The following CADPS2 variants were observed in gnomAD, a reference collection of about 807,000 sequenced individuals.
CADPS2 encodes calcium dependent secretion activator 2, also known as calcium-dependent secretion activator 2.
A neutral mutation model predicts 172.5 loss-of-function variants in CADPS2; 93 were observed. The observed-to-expected ratio is 0.54, with a 90% CI of 0.46 to 0.64. The LOEUF is 0.64. Ranked by LOEUF, CADPS2 falls within the 30% of genes least tolerant of loss-of-function variation. The pLI, the probability that CADPS2 is intolerant of heterozygous loss-of-function variation, is 0.00. For missense variants in CADPS2, 1,420 were observed against 1,565.9 expected (o/e 0.91, Z 1.57); for synonymous variants, 546 against 555.2 (o/e 0.98, Z 0.23).
intron 1 of CADPS2, among the ~76,000 whole-genome samples, chr7:122,784,288 A>G (rs904665261): frequency 6.6e-6 from 1 of 152,150 alleles, no homozygotes; most frequent in Non-Finnish European, 1.5e-5. Flanking sequence ...GTCGTTGGGT[A>G]CTGTTTACTT....
intron 1 of CADPS2, among the ~76,000 whole-genome samples, chr7:122,837,993 C>T (rs905055992): frequency 2.0e-5 from 3 of 152,180 alleles, no homozygotes; most frequent in Non-Finnish European, 2.9e-5. Context: ...GAATTTTAGA[C>T]GAATATGCCT....
intron 1 of CADPS2, among the ~76,000 whole-genome samples, chr7:122,792,690 A>C (rs771988549): frequency 7.9e-5 from 12 of 152,178 alleles, no homozygotes; most frequent in Non-Finnish European, 1.3e-4. Context: ...CCAATAGTGT[A>C]TTTTCTTTAT....
At chr7:122,756,742 T>C (rs1293781897) in intron 1 of CADPS2, among the ~76,000 whole-genome samples, 3 of 151,990 alleles carry the variant, frequency 2.0e-5, no homozygotes, top group African/African-American at 7.3e-5. Context: ...CTACTAAAAA[T>C]ACAAAAAGTT....
intron 13 of CADPS2, among the ~76,000 whole-genome samples, chr7:122,472,130 T>C (rs776525215): frequency 6.6e-6 from 1 of 152,190 alleles, no homozygotes; most frequent in Non-Finnish European, 1.5e-5. Context: ...TTAGAATGTA[T>C]GTGTGTGCAT....
In CADPS2 at chr7:122,612,278, G is replaced by C. The variant is rs528899019; in HGVS notation, c.1223+2903C>G. 9.5e-4 allele frequency among the ~76,000 whole-genome samples: 144 copies of C among 151,850 alleles called. 1 individual carries two copies. The highest frequency in any genetic ancestry group is 3.3e-3 in the African/African-American group (136 of 41,454). On this transcript the variant is annotated intron_variant, in intron 6 of 29. Transcript: ENST00000449022. ...AACTATCAGTATTTGCAGATGACATGGTCTTGTACATAGAAAAGTCTACAA... is the reference window on the plus strand; with the variant it reads ...AACTATCAGTATTTGCAGATGACATCGTCTTGTACATAGAAAAGTCTACAA...
At chr7:122,863,744 G>C (rs1190083651) in intron 1 of CADPS2, among the ~76,000 whole-genome samples, 3 of 152,182 alleles carry the variant, frequency 2.0e-5, no homozygotes, top group Admixed American at 6.6e-5. Flanking sequence ...TTAAAGTGTA[G>C]ATAAGCCAGG....
intron 28 of CADPS2, among the ~76,000 whole-genome samples, chr7:122,326,690 A>T (rs1425328267): frequency 6.6e-6 from 1 of 152,042 alleles, no homozygotes; most frequent in African/African-American, 2.4e-5. Context: ...TAGAAAAAAA[A>T]TTTTCTCTAC....
At chr7:122,790,644 GA>G (rs1342779979) in intron 1 of CADPS2, among the ~76,000 whole-genome samples, 1 of 152,104 alleles carries the variant, frequency 6.6e-6, no homozygotes, top group Non-Finnish European at 1.5e-5. Flanking sequence ...TAATCCATAT[GA>G]AATGTTTTTT....
chr7:122,877,700 T>C (rs961038823), intron 1 of CADPS2, among the ~76,000 whole-genome samples: 1 of 152,190 alleles, frequency 6.6e-6, no homozygotes, highest in Non-Finnish European at 1.5e-5. Flanking sequence ...TCTTGACTAA[T>C]TGAAGATATC....
chr7:122,519,241 TC>T (rs1163639561), intron 8 of CADPS2, among the ~76,000 whole-genome samples: 2 of 152,064 alleles, frequency 1.3e-5, no homozygotes, highest in Non-Finnish European at 2.9e-5. Flanking sequence ...TTGAACTATT[TC>T]CAATGCATCA....
At chr7:122,398,651 C>T (rs1043429760) in intron 20 of CADPS2, among the ~76,000 whole-genome samples, 7 of 152,080 alleles carry the variant, frequency 4.6e-5, no homozygotes, top group African/African-American at 1.4e-4. Flanking sequence ...ACCTCCATCA[C>T]AGAAACAGAA....
At chr7:122,486,418 G>A (rs974464461) in intron 11 of CADPS2, among the ~76,000 whole-genome samples, 3 of 152,128 alleles carry the variant, frequency 2.0e-5, no homozygotes, top group Non-Finnish European at 2.9e-5. Flanking sequence ...CTTGAGTGGA[G>A]GAAGTCACTG....
At chr7:122,858,552 T>G (rs1815990083) in intron 1 of CADPS2, among the ~76,000 whole-genome samples, 1 of 152,182 alleles carries the variant, frequency 6.6e-6, no homozygotes, top group African/African-American at 2.4e-5. Context: ...AAGCTCCAGC[T>G]TCTAAGACTT....
chr7:122,600,236 A>C (rs1266858756), intron 6 of CADPS2, among the ~76,000 whole-genome samples: 1 of 152,092 alleles, frequency 6.6e-6, no homozygotes, highest in African/African-American at 2.4e-5. Context: ...AAACAGAAAG[A>C]GCAGCTCCAT....
chr7:122,850,317 A>T, intron 1 of CADPS2: 1 of 483,654 alleles, frequency 2.1e-6, no homozygotes, highest in Non-Finnish European at 3.6e-6. Flanking sequence ...TTCTCCTCCA[A>T]TGCAGACATG....
At chr7:122,578,851 T>C (rs948446586) in intron 7 of CADPS2, among the ~76,000 whole-genome samples, 1 of 152,044 alleles carries the variant, frequency 6.6e-6, no homozygotes, top group East Asian at 1.9e-4. Flanking sequence ...AGTGGGGATA[T>C]TAATAAATGG....
chr7:122,875,176 G>A lies in CADPS2; in HGVS notation c.339+10823C>T, dbSNP rs760956581. ...GTGTACATACGTGTTTACATTAGAC[G>A]CATAACTAGGTGAATATGAGTGTAG... is the stretch of plus-strand genomic sequence containing the variant. On this transcript the variant is annotated intron_variant, in intron 1 of 29. Coordinates refer to ENST00000449022, the MANE Select transcript of CADPS2 (RefSeq NM_017954.11). 3.9e-5 allele frequency among the ~76,000 whole-genome samples: 6 copies of A among 152,178 alleles called. No homozygotes were observed. The South Asian group carries it at 6.2e-4, about 16-fold the overall frequency.
chr7:122,502,790 C>T (rs778431924), intron 9 of CADPS2, among the ~76,000 whole-genome samples: 2 of 152,024 alleles, frequency 1.3e-5, no homozygotes, highest in Non-Finnish European at 2.9e-5. Context: ...TGAGATCATA[C>T]TCATTTATCT....
chr7:122,613,992 G>A (rs1484226474), intron 6 of CADPS2, among the ~76,000 whole-genome samples: 1 of 152,050 alleles, frequency 6.6e-6, no homozygotes, highest in Non-Finnish European at 1.5e-5. Flanking sequence ...TAAAGGGAAG[G>A]ATTATTCTCA....
Sources: gnomAD v4.1 joint callset for allele counts (sites outside exome capture counted in the v4.1 genomes callset) on GRCh38, gnomAD v4.1.1 for gene constraint, MANE v1.5 for transcripts, NCBI Gene and HGNC (gene_info 2026-07-23, HGNC 2026-07-21) for gene names.